Variants in MEIKIN observed in about 807,000 individuals in gnomAD.
MEIKIN encodes meiotic kinetochore factor, also known as meiosis-specific kinetochore protein.
intron 9 of MEIKIN, among the ~76,000 whole-genome samples, chr5:131,870,868 T>A (rs7709146): frequency 0.026 from 4,034 of 152,278 alleles, 186 homozygotes; most frequent in African/African-American, 0.092. Flanking sequence ...GCCCCTTTTC[T>A]ATTTGCTCTC....
intron 9 of MEIKIN, among the ~76,000 whole-genome samples, chr5:131,870,911 A>G (rs1278264206): frequency 6.6e-6 from 1 of 152,110 alleles, no homozygotes; most frequent in African/African-American, 2.4e-5. Flanking sequence ...AGTGTAGTAG[A>G]AAGAGTATAG....
At chr5:131,867,938 T>G (rs1316218126) in intron 9 of MEIKIN, among the ~76,000 whole-genome samples, 1 of 152,218 alleles carries the variant, frequency 6.6e-6, no homozygotes, top group African/African-American at 2.4e-5. Flanking sequence ...TTTTTAAAAA[T>G]CATGAAACCA....
chr5:131,918,647 T>C (rs1203000977), intron 6 of MEIKIN, among the ~76,000 whole-genome samples: 1 of 152,192 alleles, frequency 6.6e-6, no homozygotes, highest in Non-Finnish European at 1.5e-5. Context: ...CAATAGAGGA[T>C]AGGAAAGCAA....
chr5:131,825,030 A>AGAAGAAGAAG (rs1554102870), intron 11 of MEIKIN, among the ~76,000 whole-genome samples: 1 of 151,484 alleles, frequency 6.6e-6, no homozygotes, highest in African/African-American at 2.4e-5. Context: ...ACTGAAAAAA[A>AGAAGAAGAAG]AAGAAGAAGA....
At chr5:131,903,192 G>C (rs935289118) in intron 8 of MEIKIN, among the ~76,000 whole-genome samples, 1 of 152,116 alleles carries the variant, frequency 6.6e-6, no homozygotes, top group Non-Finnish European at 1.5e-5. Context: ...ACACCTAAAA[G>C]AGAAGGAAAG....
At chr5:131,936,461 G>A (rs1219092748) in intron 4 of MEIKIN, among the ~76,000 whole-genome samples, 1 of 152,110 alleles carries the variant, frequency 6.6e-6, no homozygotes, top group Non-Finnish European at 1.5e-5. Flanking sequence ...TCGTAGCCAA[G>A]CCCTATACTG....
At chr5:131,858,316 G>A (rs1750230759) in intron 9 of MEIKIN, among the ~76,000 whole-genome samples, 2 of 152,180 alleles carry the variant, frequency 1.3e-5, no homozygotes, top group African/African-American at 2.4e-5. Flanking sequence ...CGACAAAGCT[G>A]ACAAAAACAA....
At chr5:131,818,699 A>G in intron 12 of MEIKIN, 41 bp downstream of exon 12, 1 of 395,148 alleles carries the variant, frequency 2.5e-6, no homozygotes, top group Non-Finnish European at 4.5e-6. Flanking sequence ...AAAATGTTTT[A>G]TATCATCCAA....
At chr5:131,911,178 CTT>C (rs1751330170) in intron 8 of MEIKIN, among the ~76,000 whole-genome samples, 1 of 152,092 alleles carries the variant, frequency 6.6e-6, no homozygotes, top group Non-Finnish European at 1.5e-5. Context: ...CAGTTCCTAA[CTT>C]AATGTGTGGC....
intron 5 of MEIKIN, among the ~76,000 whole-genome samples, chr5:131,923,497 C>CT (rs563033307): frequency 5.1e-4 from 76 of 149,884 alleles, no homozygotes; most frequent in African/African-American, 1.6e-3. Flanking sequence ...AAATTTTAAT[C>CT]TTTTTTTTTC....
rs1751950273 is a variant in MEIKIN at position 131,945,513 on chromosome 5, C to A, written c.-8G>T. 1 of 399,804 alleles carries A rather than the reference C, an allele frequency of 2.5e-6. No individual in the cohort carries two copies. The allele number at this position is 399,804 out of a possible 1,614,324, so 24.8% of individuals were successfully genotyped here. A position where few individuals can be genotyped will look rare whatever the true frequency, so the allele number is the denominator to read the frequency against. ...GACCCGTAGCGGCCACATTGCTATC[C>A]CACCCTACCCCCAGGCCACGGGTGC... On this transcript the variant is annotated 5_prime_UTR_variant, in exon 1 of 13. Coordinates refer to ENST00000442687, the MANE Select transcript of MEIKIN (RefSeq NM_001303622.2).
intron 11 of MEIKIN, among the ~76,000 whole-genome samples, chr5:131,842,400 T>C (rs985686050): frequency 6.6e-6 from 1 of 152,210 alleles, no homozygotes; most frequent in African/African-American, 2.4e-5. Context: ...GAAGAAACTT[T>C]CAGCTTTTTA....
chr5:131,828,514 C>G (rs776863157), intron 11 of MEIKIN, among the ~76,000 whole-genome samples: 1 of 151,892 alleles, frequency 6.6e-6, no homozygotes, highest in Non-Finnish European at 1.5e-5. Context: ...GAGAATAGAA[C>G]AAAATGACAA....
chr5:131,816,603 A>G (rs1773105768), intron 12 of MEIKIN, among the ~76,000 whole-genome samples: 1 of 152,168 alleles, frequency 6.6e-6, no homozygotes, highest in African/African-American at 2.4e-5. Context: ...CCGGAATGGT[A>G]ATTTGCATAC....
chr5:131,854,114 G>C (rs1750157470), intron 10 of MEIKIN, among the ~76,000 whole-genome samples: 1 of 152,120 alleles, frequency 6.6e-6, no homozygotes, highest in Admixed American at 6.6e-5. Flanking sequence ...TAGATGAATG[G>C]ATAAACAAAA....
intron 11 of MEIKIN, among the ~76,000 whole-genome samples, chr5:131,833,496 C>T (rs1749747885): frequency 6.6e-6 from 1 of 152,186 alleles, no homozygotes; most frequent in Non-Finnish European, 1.5e-5. Flanking sequence ...TGCCTGATAC[C>T]CAGTTCCAAA....
intron 4 of MEIKIN, among the ~76,000 whole-genome samples, chr5:131,936,843 T>C (rs748251061): frequency 2.6e-5 from 4 of 152,208 alleles, no homozygotes; most frequent in Admixed American, 6.5e-5. Context: ...AGTACTGGTA[T>C]TACAGGCATG....
At chr5:131,923,782 T>A (rs1188630645) in intron 5 of MEIKIN, among the ~76,000 whole-genome samples, 2 of 151,996 alleles carry the variant, frequency 1.3e-5, no homozygotes, top group African/African-American at 2.4e-5. Context: ...TGTTTCAAGA[T>A]TTTTTTAATT....
chr5:131,899,124 C>T (rs1412104163), intron 8 of MEIKIN, among the ~76,000 whole-genome samples: 1 of 152,112 alleles, frequency 6.6e-6, no homozygotes, highest in Non-Finnish European at 1.5e-5. Context: ...ATAATAACTA[C>T]AATAACTTTT....
Sources: gnomAD v4.1 joint callset for allele counts (sites outside exome capture counted in the v4.1 genomes callset) on GRCh38, gnomAD v4.1.1 for gene constraint, MANE v1.5 for transcripts, NCBI Gene and HGNC (gene_info 2026-07-23, HGNC 2026-07-21) for gene names.